Variants in SPRYD7 observed in about 807,000 individuals in gnomAD.
SPRYD7 encodes the protein SPRY domain-containing protein 7.
SPRYD7 carries 14 observed loss-of-function variants against 23.8 expected under a neutral mutation model. The observed-to-expected ratio is 0.59, with a 90% confidence interval of 0.39 to 0.92. The LOEUF is 0.92. Among genes scored for constraint, SPRYD7 ranks in the 40% least tolerant of loss-of-function variants. SPRYD7 has a pLI of 0.00. For synonymous variants in SPRYD7, 75 were observed against 84.9 expected (o/e 0.88, Z 0.64); for missense variants, 194 against 241.7 (o/e 0.80, Z 1.31).
At chr13:49,930,765 C>G (rs907496427) in intron 2 of SPRYD7, among the ~76,000 whole-genome samples, 2 of 152,130 alleles carry the variant, frequency 1.3e-5, no homozygotes, top group African/African-American at 4.8e-5. Context: ...TCTTAAAACA[C>G]TTTCATACAT....
At chr13:49,922,634 A>T (rs1408536380) in intron 3 of SPRYD7, among the ~76,000 whole-genome samples, 1 of 152,246 alleles carries the variant, frequency 6.6e-6, no homozygotes, top group East Asian at 1.9e-4. Flanking sequence ...CTTAATCACC[A>T]TATCTCTCTT....
rs1379453738 is a variant in SPRYD7 at position 49,921,470 on chromosome 13, T to G, written c.493+8A>C. The G allele has an allele frequency of 6.4e-7, 1 of 1,561,378 alleles. No individual in the cohort carries two copies. The highest frequency in any genetic ancestry group is 8.8e-7 in the Non-Finnish European group (1 of 1,132,616). ...ATGTAATAATACATTAGAAATATTT[T>G]TGCTTACCATAAACAACTGGATACA... On this transcript the variant is annotated splice_region_variant and intron_variant, in intron 4 of 4. Transcript: ENST00000361840.
intron 3 of SPRYD7, 65 bp downstream of exon 3, chr13:49,927,854 T>C: frequency 2.6e-6 from 4 of 1,545,456 alleles, no homozygotes; most frequent in Non-Finnish European, 3.5e-6. Flanking sequence ...GACAAAGCTG[T>C]AGATACTAAA....
At chr13:49,923,014 T>G (rs1341361082) in intron 3 of SPRYD7, among the ~76,000 whole-genome samples, 2 of 152,242 alleles carry the variant, frequency 1.3e-5, no homozygotes, top group African/African-American at 4.8e-5. Flanking sequence ...TGCCTTTGCT[T>G]CGCTTTAGTT....
In SPRYD7 at chr13:49,913,865, CTTAT is replaced by C. The variant is rs1955722278; in HGVS notation, c.*1194_*1197del. ...TATTAAGGTGTTATATATGTATTAC[CTTAT>C]TTAATCATAGAATCTTATGTCAGTA... On this transcript the variant is annotated 3_prime_UTR_variant, in exon 5 of 5. Transcript: ENST00000361840. The C allele has an allele frequency of 1.3e-5, 2 of 152,266 alleles. No homozygotes were observed. The highest frequency in any genetic ancestry group is 3.4e-3 in the Middle Eastern group (1 of 294). 9.4% of individuals were successfully genotyped at this position (152,266 alleles called of 1,614,324 possible). A position where few individuals can be genotyped will look rare whatever the true frequency, so the allele number is the denominator to read the frequency against.
chr13:49,934,316 G>A (rs183298730), intron 1 of SPRYD7, among the ~76,000 whole-genome samples: 63 of 152,096 alleles, frequency 4.1e-4, no homozygotes, highest in Admixed American at 1.4e-3. Flanking sequence ...CCAGCACTTT[G>A]GGAGGCTGAG....
chr13:49,936,043 G>C, intron 1 of SPRYD7, 87 bp downstream of exon 1: 9 of 687,984 alleles, frequency 1.3e-5, no homozygotes, highest in East Asian at 4.3e-5. Flanking sequence ...GCGGGGCAGC[G>C]TGGGGACCCT....
intron 3 of SPRYD7, among the ~76,000 whole-genome samples, chr13:49,921,911 C>T (rs1475596334): frequency 6.6e-6 from 1 of 152,158 alleles, no homozygotes; most frequent in African/African-American, 2.4e-5. Flanking sequence ...AAACCTTTTA[C>T]ACTCATACAG....
chr13:49,931,160 T>C lies in SPRYD7; in HGVS notation c.107-26A>G, dbSNP rs1955943359. 3 of 1,395,326 alleles carry C rather than the reference T, an allele frequency of 2.2e-6. No individual in the cohort carries two copies. The South Asian group carries it at 3.6e-5, about 17-fold the overall frequency. 86.4% of individuals were successfully genotyped at this position (1,395,326 alleles called of 1,614,324 possible). On this transcript the variant is annotated intron_variant, in intron 1 of 4. Transcript: ENST00000361840. ...CTAAACAAAAAATGCAGACACTATG[T>C]AAAGTTTTGTATTTTCTTTTCTTTT...
At position 49,925,852 on chromosome 13, in the gene SPRYD7, T is replaced by C. The variant is rs145822486; in HGVS notation, c.390+2067A>G. Among the ~76,000 whole-genome samples the C allele has an allele frequency of 1.7e-3, 263 of 152,030 alleles. 1 individual carries two copies. The highest frequency in any genetic ancestry group is 5.9e-3 in the African/African-American group (244 of 41,474). ...AAAAGGAGAAAGTGAGCATAAACTG[T>C]TTCATGTATGTCTTTCTAGTTCTGT... On this transcript the variant is annotated intron_variant, in intron 3 of 4. Coordinates refer to ENST00000361840, the MANE Select transcript of SPRYD7 (RefSeq NM_020456.4).
chr13:49,924,625 A>G (rs777771398), intron 3 of SPRYD7, among the ~76,000 whole-genome samples: 87 of 152,118 alleles, frequency 5.7e-4, no homozygotes, highest in Non-Finnish European at 1.1e-3. Context: ...TAGTCTTGTA[A>G]TTAACTCACA....
intron 1 of SPRYD7, among the ~76,000 whole-genome samples, chr13:49,933,501 C>T (rs1360961220): frequency 6.6e-6 from 1 of 151,080 alleles, no homozygotes; most frequent in Non-Finnish European, 1.5e-5. Flanking sequence ...ACTCAGGAGG[C>T]TGAGACAGGA....
At chr13:49,922,982 G>A (rs1270590804) in intron 3 of SPRYD7, among the ~76,000 whole-genome samples, 1 of 152,154 alleles carries the variant, frequency 6.6e-6, no homozygotes, top group Admixed American at 6.6e-5. Context: ...GGAATACTGA[G>A]AAAGATAAAT....
chr13:49,922,600 C>T (rs1379857429), intron 3 of SPRYD7, among the ~76,000 whole-genome samples: 2 of 152,046 alleles, frequency 1.3e-5, no homozygotes, highest in Admixed American at 6.6e-5. Context: ...TCTAAATCAC[C>T]ATGCCTCTCT....
intron 1 of SPRYD7, among the ~76,000 whole-genome samples, chr13:49,933,301 A>G (rs1019493193): frequency 4.6e-5 from 7 of 152,250 alleles, no homozygotes; most frequent in Middle Eastern, 3.4e-3. Context: ...GCAGAGCACA[A>G]TGGGATATAA....
chr13:49,924,891 G>A (rs538701324), intron 3 of SPRYD7, among the ~76,000 whole-genome samples: 12 of 150,984 alleles, frequency 7.9e-5, no homozygotes, highest in South Asian at 2.1e-4. Flanking sequence ...CAGGAGAACC[G>A]CTTGAACCCG....
At position 49,912,974 on chromosome 13, in the gene SPRYD7, A is replaced by G. The variant is rs940950326; in HGVS notation, c.*2089T>C. The G allele has an allele frequency of 6.6e-6, 1 of 152,226 alleles. No individual in the cohort carries two copies. Among genetic ancestry groups the G allele is most frequent in the Non-Finnish European group, 1.5e-5 (1 of 68,040 alleles). 9.4% of individuals were successfully genotyped at this position (152,226 alleles called of 1,614,324 possible). A position where few individuals can be genotyped will look rare whatever the true frequency, so the allele number is the denominator to read the frequency against. Reference sequence around the variant, plus strand: ...TGAGCCTATGGGTCAAAAATAGCCCATCATAAATCCTTAGAAAATTTACAG... The same window carrying G: ...TGAGCCTATGGGTCAAAAATAGCCCGTCATAAATCCTTAGAAAATTTACAG... On this transcript the variant is annotated 3_prime_UTR_variant, in exon 5 of 5. Coordinates refer to ENST00000361840, the MANE Select transcript of SPRYD7 (RefSeq NM_020456.4).
At chr13:49,917,653 C>T (rs983016381) in intron 4 of SPRYD7, among the ~76,000 whole-genome samples, 6 of 152,158 alleles carry the variant, frequency 3.9e-5, no homozygotes, top group Non-Finnish European at 7.4e-5. Context: ...AACCTTAGTA[C>T]ATTACAAATA....
intron 4 of SPRYD7, among the ~76,000 whole-genome samples, chr13:49,919,334 A>G (rs1369640846): frequency 6.6e-6 from 1 of 152,062 alleles, no homozygotes; most frequent in African/African-American, 2.4e-5. Flanking sequence ...ACAGAAGGTC[A>G]AGAGATCAAG....
Sources: gnomAD v4.1 joint callset for allele counts (sites outside exome capture counted in the v4.1 genomes callset) on GRCh38, gnomAD v4.1.1 for gene constraint, MANE v1.5 for transcripts, NCBI Gene and HGNC (gene_info 2026-07-23, HGNC 2026-07-21) for gene names.